GRID1: variants seen among roughly 807,000 people sequenced by gnomAD.
GRID1 encodes glutamate receptor ionotropic, delta-1.
In GRID1, 28 loss-of-function variants were observed where a neutral mutation model predicts 98.0. That is an observed-to-expected ratio of 0.29 (90% CI 0.21 to 0.39). The LOEUF is 0.39. Ranked by LOEUF, GRID1 falls within the 10% of genes least tolerant of loss-of-function variation. The pLI is 1.00. For missense variants in GRID1, 1,111 were observed against 1,340.5 expected, an observed-to-expected ratio of 0.83 and a Z score of 2.67; for synonymous variants, 553 against 538.5, an observed-to-expected ratio of 1.03 and a Z score of -0.37.
Position 85,649,197 on chromosome 10 carries a change from C to G in GRID1, c.1998-1800G>C, listed in dbSNP as rs148520849. On this transcript the variant is annotated intron_variant, in intron 12 of 15. Coordinates refer to ENST00000327946, the MANE Select transcript of GRID1 (RefSeq NM_017551.3). ...CACTGCCCTGGACCAACGCTGACAGCAGCCTCCCCGGCCAGCACACAGAAG... is the reference window on the plus strand; with the variant it reads ...CACTGCCCTGGACCAACGCTGACAGGAGCCTCCCCGGCCAGCACACAGAAG... Among the ~76,000 whole-genome samples the G allele has an allele frequency of 2.1e-3, 321 of 152,302 alleles. 1 individual carries two copies. Among genetic ancestry groups the G allele is most frequent in the African/African-American group, 7.4e-3 (306 of 41,564 alleles).
intron 4 of GRID1, among the ~76,000 whole-genome samples, chr10:86,052,251 T>C (rs1446327450): frequency 6.6e-6 from 1 of 152,214 alleles, no homozygotes; most frequent in Non-Finnish European, 1.5e-5. Flanking sequence ...TACTCTTATC[T>C]GCTTATAATT....
At chr10:85,797,035 T>G (rs1842531680) in intron 8 of GRID1, among the ~76,000 whole-genome samples, 1 of 152,094 alleles carries the variant, frequency 6.6e-6, no homozygotes, top group Admixed American at 6.5e-5. Flanking sequence ...CCTGGAAAAT[T>G]TTATTTTGTC....
At chr10:85,679,874 C>T (rs536858555) in intron 12 of GRID1, among the ~76,000 whole-genome samples, 9 of 152,298 alleles carry the variant, frequency 5.9e-5, no homozygotes, top group African/African-American at 2.2e-4. Flanking sequence ...CAGCCCCACC[C>T]CCTGCAAGAT....
At chr10:85,728,502 A>G (rs1239929721) in intron 9 of GRID1, among the ~76,000 whole-genome samples, 1 of 152,228 alleles carries the variant, frequency 6.6e-6, no homozygotes, top group Non-Finnish European at 1.5e-5. Context: ...AAAGCATTAT[A>G]TCTACAGGCT....
chr10:86,305,006 G>A (rs183149869), intron 2 of GRID1, among the ~76,000 whole-genome samples: 1 of 152,042 alleles, frequency 6.6e-6, no homozygotes, highest in East Asian at 1.9e-4. Flanking sequence ...AGGTTGCTAT[G>A]AAGGTATTTT....
At chr10:85,768,649 T>C (rs1030582597) in intron 8 of GRID1, among the ~76,000 whole-genome samples, 1 of 152,230 alleles carries the variant, frequency 6.6e-6, no homozygotes, top group African/African-American at 2.4e-5. Flanking sequence ...CACAGCCTCA[T>C]ACAGGATAAA....
chr10:86,202,923 T>A (rs1204799652), intron 3 of GRID1, among the ~76,000 whole-genome samples: 1 of 152,206 alleles, frequency 6.6e-6, no homozygotes, highest in Non-Finnish European at 1.5e-5. Flanking sequence ...TTTCTTGGCA[T>A]CAACTCTGAC....
At chr10:86,321,032 G>A (rs1376511141) in intron 2 of GRID1, among the ~76,000 whole-genome samples, 4 of 151,412 alleles carry the variant, frequency 2.6e-5, no homozygotes, top group East Asian at 1.9e-4. Context: ...CCTGGGAGGC[G>A]GAGCTTGCAG....
intron 2 of GRID1, among the ~76,000 whole-genome samples, chr10:86,288,782 C>A (rs1175883639): frequency 6.6e-6 from 1 of 152,200 alleles, no homozygotes; most frequent in Non-Finnish European, 1.5e-5. Flanking sequence ...CAGAGACGGC[C>A]AGAGCGCTTC....
intron 4 of GRID1, among the ~76,000 whole-genome samples, chr10:85,986,246 C>T (rs187435844): frequency 6.6e-6 from 1 of 152,192 alleles, no homozygotes; most frequent in Non-Finnish European, 1.5e-5. Flanking sequence ...CCAAGAAAAA[C>T]CTGAAAGGTA....
chr10:86,021,114 A>G (rs1300853965), intron 4 of GRID1, among the ~76,000 whole-genome samples: 1 of 152,124 alleles, frequency 6.6e-6, no homozygotes, highest in Non-Finnish European at 1.5e-5. Context: ...TCTACAATGC[A>G]AAGACCATCA....
At chr10:85,645,020 T>C (rs1032173121) in intron 13 of GRID1, among the ~76,000 whole-genome samples, 8 of 152,368 alleles carry the variant, frequency 5.3e-5, no homozygotes, top group Admixed American at 3.9e-4. Context: ...TTCTTATTAA[T>C]ATATTCTTGA....
At chr10:85,927,510 T>TA (rs60653864) in intron 4 of GRID1, among the ~76,000 whole-genome samples, 4,635 of 146,316 alleles carry the variant, frequency 0.032, 224 homozygotes, top group African/African-American at 0.1. Flanking sequence ...AAGTTTCTTG[T>TA]AAAAAAAAAA....
chr10:85,916,784 G>C lies in GRID1; in HGVS notation c.727-545C>G, dbSNP rs547799891. The stretch of plus-strand genomic sequence containing the variant: ...AGCTCCTGGGCCGTAGCCCCATCCC[G>C]TAACTCTCTATTAGTGTTTTGTTCT... On this transcript the variant is annotated intron_variant, in intron 4 of 15. Transcript: ENST00000327946. The surrounding 1 kb of genome is among the most constrained non-coding windows in gnomAD (Gnocchi z 4.0). Among the ~76,000 whole-genome samples, 1 of 152,274 alleles carries C rather than the reference G, an allele frequency of 6.6e-6. No individual in the cohort carries two copies. Among genetic ancestry groups the C allele is most frequent in the East Asian group, 1.9e-4 (1 of 5,170 alleles).
chr10:85,899,497 C>T (rs1057055435), intron 5 of GRID1, among the ~76,000 whole-genome samples: 1 of 152,142 alleles, frequency 6.6e-6, no homozygotes, highest in African/African-American at 2.4e-5. Flanking sequence ...AATCCAGGAA[C>T]CTTTGCATAT....
At chr10:86,288,633 C>A (rs1389118991) in intron 2 of GRID1, among the ~76,000 whole-genome samples, 3 of 152,210 alleles carry the variant, frequency 2.0e-5, no homozygotes, top group Non-Finnish European at 4.4e-5. Context: ...TATGTTGGAG[C>A]CTCCTCAAAG....
intron 4 of GRID1, among the ~76,000 whole-genome samples, chr10:86,059,592 G>A (rs980898285): frequency 3.3e-5 from 5 of 152,214 alleles, no homozygotes; most frequent in Non-Finnish European, 7.3e-5. Flanking sequence ...TTAAAGGGCA[G>A]TTCTCTCATT....
chr10:85,967,388 G>A (rs528764202), intron 4 of GRID1, among the ~76,000 whole-genome samples: 1 of 152,272 alleles, frequency 6.6e-6, no homozygotes, highest in South Asian at 2.1e-4. Context: ...CCAGGATAAA[G>A]GGGACTTATT....
chr10:85,662,084 C>T (rs1055460629), intron 12 of GRID1, among the ~76,000 whole-genome samples: 2 of 152,174 alleles, frequency 1.3e-5, no homozygotes, highest in African/African-American at 4.8e-5. Context: ...GATTCAGAGC[C>T]GGGCACATCA....
Sources: allele counts gnomAD v4.1 joint callset (sites outside exome capture counted in the v4.1 genomes callset), GRCh38; gene constraint gnomAD v4.1.1; non-coding constraint Gnocchi (gnomAD v3.1); transcripts MANE v1.5; gene names NCBI Gene and HGNC (gene_info 2026-07-23, HGNC 2026-07-21).